Variants in RAB11FIP5 observed in about 807,000 individuals in gnomAD.
RAB11FIP5 encodes the protein RAB11 family interacting protein 5.
In RAB11FIP5, 48 loss-of-function variants were observed where a neutral mutation model predicts 85.1. The ratio of observed to expected loss-of-function variants is 0.56; its 90% CI spans 0.45 to 0.72. The LOEUF is 0.72. RAB11FIP5 is among the 30% of genes least tolerant of loss of function. The pLI is 0.00. For synonymous variants in RAB11FIP5, 729 were observed against 727.3 expected (o/e 1.00, Z -0.04); for missense variants, 1,491 against 1,687.0 (o/e 0.88, Z 2.04).
Position 73,088,453 on chromosome 2 carries a change from T to C in RAB11FIP5, c.1165A>G (p.Arg389Gly). ...GPRSTDDTWP[R>G]GSRSNSSSEA... The stretch of plus-strand genomic sequence containing the variant: ...GAGCTGCTGTTGCTACGACTGCCTC[T>C]GGGCCAGGTGTCATCTGTGGAACGA... Residue 389 changes from arginine to glycine, a missense_variant, in exon 3 of 6, where the codon AGA becomes GGA. By Grantham distance (125) the Arg-to-Gly change is moderately radical. Coordinates refer to ENST00000486777, the MANE Select transcript of RAB11FIP5 (RefSeq NM_001371272.1). 1 of 1,613,970 alleles carries C rather than the reference T, an allele frequency of 6.2e-7. No individual in the cohort carries two copies. Among genetic ancestry groups the C allele is most frequent in the Non-Finnish European group, 8.5e-7 (1 of 1,180,046 alleles).
chr2:73,079,522 G>A (rs1683925775), intron 4 of RAB11FIP5, 129 bp downstream of exon 4: 1 of 1,132,926 alleles, frequency 8.8e-7, no homozygotes, highest in African/African-American at 1.6e-5. Flanking sequence ...TCTTGCCTCT[G>A]GGGTAAAAGA....
intron 1 of RAB11FIP5, among the ~76,000 whole-genome samples, chr2:73,095,641 G>C (rs1289060936): frequency 6.6e-6 from 1 of 152,236 alleles, no homozygotes; most frequent in Non-Finnish European, 1.5e-5. Context: ...CTAAGTTGTG[G>C]AGATGGTTTG....
chr2:73,095,180 A>C (rs75707677), intron 1 of RAB11FIP5, among the ~76,000 whole-genome samples: 123 of 152,316 alleles, frequency 8.1e-4, no homozygotes, highest in Non-Finnish European at 1.4e-3. Flanking sequence ...CAGCCAGCAC[A>C]TGCTCAGGAC....
Position 73,075,919 on chromosome 2 carries a change from C to T in RAB11FIP5, c.3771+74G>A. ...GGGACCTGGCCTGCTCCCTGCCCCA[C>T]CCTCACCAGGACCAAGCCCTGAGAC... On this transcript the variant is annotated intron_variant, in intron 5 of 5. Coordinates refer to ENST00000486777, the MANE Select transcript of RAB11FIP5 (RefSeq NM_001371272.1). This position sits in a 1 kb window ranked among gnomAD's most constrained non-coding sequence, Gnocchi z 4.6. The T allele has an allele frequency of 6.5e-7, 1 of 1,539,444 alleles. No homozygotes were observed. Among genetic ancestry groups the T allele is most frequent in the Non-Finnish European group, 8.8e-7 (1 of 1,132,614 alleles).
chr2:73,107,935 C>A (rs1684562823), intron 1 of RAB11FIP5, among the ~76,000 whole-genome samples: 2 of 152,226 alleles, frequency 1.3e-5, no homozygotes, highest in Non-Finnish European at 2.9e-5. Context: ...TGCCCACCAA[C>A]TGTCTGCCCA....
chr2:73,081,667 T>C lies in RAB11FIP5; in HGVS notation c.1569-4A>G. 1 of 1,231,922 alleles carries C rather than the reference T, an allele frequency of 8.1e-7. No individual in the cohort carries two copies. The highest frequency in any genetic ancestry group is 1.0e-6 in the Non-Finnish European group (1 of 987,828). The allele number at this position is 1,231,922 out of a possible 1,614,324, so 76.3% of individuals were successfully genotyped here. ...TACCTGAGGAGACACGTCCAGGCTGTGGAGGGAGACAAAACCGTGAGCCTC... is the reference window on the plus strand; with the variant it reads ...TACCTGAGGAGACACGTCCAGGCTGCGGAGGGAGACAAAACCGTGAGCCTC... On this transcript the variant is annotated splice_region_variant and splice_polypyrimidine_tract_variant and intron_variant, in intron 3 of 5. Transcript: ENST00000486777. This position sits in a 1 kb window ranked among gnomAD's most constrained non-coding sequence, Gnocchi z 4.2.
rs1175939775 is a variant in RAB11FIP5, at chr2:73,112,849, G to C, written c.-72C>G. The C allele has an allele frequency of 3.1e-6, 4 of 1,305,718 alleles. No homozygotes were observed. The highest frequency in any genetic ancestry group is 3.9e-6 in the Non-Finnish European group (4 of 1,023,794). The allele number at this position is 1,305,718 out of a possible 1,614,324, so 80.9% of individuals were successfully genotyped here. A position where few individuals can be genotyped will look rare whatever the true frequency, so the allele number is the denominator to read the frequency against. On this transcript the variant is annotated 5_prime_UTR_variant, in exon 1 of 6. Coordinates refer to ENST00000486777, the MANE Select transcript of RAB11FIP5 (RefSeq NM_001371272.1). ...AGGACCTGGTGACAAACCCGGCCGC[G>C]GCAGAAGGCGGTCAGGAACCAACTC...
rs1683953375 is a variant in RAB11FIP5 at position 73,080,470 on chromosome 2, G to A, written c.2762C>T (p.Ala921Val). 8.1e-7 allele frequency: 1 copy of A among 1,233,756 alleles called. No individual in the cohort carries two copies. The highest frequency in any genetic ancestry group is 1.5e-5 in the African/African-American group (1 of 64,554). The allele number at this position is 1,233,756 out of a possible 1,614,324, so 76.4% of individuals were successfully genotyped here. ...CCCCCTGTTACTCAGCCCCACTGCG[G>A]CCTTCTCCTCCTCCTCCTCCTGGGA... ...SRSQEEEEEK[A>V]AVGLSNRGPE... The change falls in exon 4 of 6, where the codon GCC becomes GTC. Residue 921 changes from alanine (A) to valine (V), a missense_variant. Physicochemically the swap from Ala to Val is moderately conservative, Grantham distance 64 (BLOSUM62 0). Transcript: ENST00000486777.
intron 4 of RAB11FIP5, among the ~76,000 whole-genome samples, chr2:73,077,718 C>T (rs1683890877): frequency 6.6e-6 from 1 of 152,214 alleles, no homozygotes; most frequent in Non-Finnish European, 1.5e-5. Context: ...CCACCTTCTC[C>T]AGGAAGCCTT....
At chr2:73,096,802 G>A (rs982134332) in intron 1 of RAB11FIP5, among the ~76,000 whole-genome samples, 3 of 152,140 alleles carry the variant, frequency 2.0e-5, no homozygotes, top group Non-Finnish European at 4.4e-5. Context: ...ACCTTTTGGG[G>A]CTTGGCTCCT....
At chr2:73,097,739 T>G (rs2106118101) in intron 1 of RAB11FIP5, among the ~76,000 whole-genome samples, 1 of 151,946 alleles carries the variant, frequency 6.6e-6, no homozygotes, top group African/African-American at 2.4e-5. Flanking sequence ...TAAAGGGAGG[T>G]TTCCAGAATG....
At chr2:73,092,468 T>A (rs1684236528) in intron 1 of RAB11FIP5, among the ~76,000 whole-genome samples, 1 of 152,202 alleles carries the variant, frequency 6.6e-6, no homozygotes, top group African/African-American at 2.4e-5. Flanking sequence ...ATTACTGTGG[T>A]AATAGGAAAA....
In RAB11FIP5 at chr2:73,104,076, G is replaced by A. The variant is rs560701347; in HGVS notation, c.431+8271C>T. ...AAGTACAGAACTGTGTGGTGAGAAC[G>A]TTGCATTTGGGAACAAGGAGGGAGG... On this transcript the variant is annotated intron_variant, in intron 1 of 5. Transcript: ENST00000486777. Among the ~76,000 whole-genome samples the A allele has an allele frequency of 2.4e-4, 37 of 152,294 alleles. No individual in the cohort carries two copies. In the South Asian group the frequency reaches 5.2e-3, roughly 21 times the overall value.
chr2:73,108,741 G>A (rs1385752039), intron 1 of RAB11FIP5, among the ~76,000 whole-genome samples: 2 of 152,186 alleles, frequency 1.3e-5, no homozygotes, highest in East Asian at 3.9e-4. Context: ...CACCCACTGG[G>A]GAGTGCTAAG....
rs1022044406 is a variant in RAB11FIP5 at position 73,079,935 on chromosome 2, A to T, written c.3297T>A (p.Thr1099=). Residue 1099 remains threonine, a synonymous_variant, in exon 4 of 6, where the codon ACT becomes ACA. Coordinates refer to ENST00000486777, the MANE Select transcript of RAB11FIP5 (RefSeq NM_001371272.1). Reference sequence around the variant, plus strand: ...GCGGTGGAAAGTCAGGCTCTGGGGGAGTGGGCAGCTCTTCTGGACCAGAAT... The same window carrying T: ...GCGGTGGAAAGTCAGGCTCTGGGGGTGTGGGCAGCTCTTCTGGACCAGAAT... ...SIHSGPEELP[T]PPEPDFPPPP... The T allele has an allele frequency of 8.9e-6, 11 of 1,231,972 alleles. No homozygotes were observed. The highest frequency in any genetic ancestry group is 1.6e-5 in the African/African-American group (1 of 64,304). 76.3% of individuals were successfully genotyped at this position (1,231,972 alleles called of 1,614,324 possible). A position where few individuals can be genotyped will look rare whatever the true frequency, so the allele number is the denominator to read the frequency against.
chr2:73,090,847 T>C (rs1467603763), intron 1 of RAB11FIP5, among the ~76,000 whole-genome samples: 1 of 152,202 alleles, frequency 6.6e-6, no homozygotes, highest in Non-Finnish European at 1.5e-5. Flanking sequence ...ACCCACAGAA[T>C]GCACAAAACA....
chr2:73,085,249 G>A (rs956112215), intron 3 of RAB11FIP5, among the ~76,000 whole-genome samples: 12 of 152,134 alleles, frequency 7.9e-5, no homozygotes, highest in African/African-American at 2.7e-4. Context: ...CTGGTGCAGG[G>A]AGGCACTGCA....
chr2:73,076,060 G>C lies in RAB11FIP5; in HGVS notation c.3704C>G (p.Ser1235Cys). The C allele has an allele frequency of 5.0e-6, 8 of 1,614,160 alleles. No homozygotes were observed. Among genetic ancestry groups the C allele is most frequent in the Non-Finnish European group, 5.9e-6 (7 of 1,179,992 alleles). The change falls in exon 5 of 6, where the codon TCT (serine) becomes TGT (cysteine). Residue 1235 changes from serine (S) to cysteine (C), a missense_variant. Physicochemically the swap from Ser to Cys is moderately radical, Grantham distance 112. Around this residue, in one of 3 missense-constraint regions of RAB11FIP5, gnomAD observed 232 missense variants for 259.1 expected, o/e 0.90. Transcript: ENST00000486777. ...CTGGGTCACAGGCTGAATGCTCCCAGATGTGACTGTTTTGAGCTTCTCCAG... is the reference window on the plus strand; with the variant it reads ...CTGGGTCACAGGCTGAATGCTCCCACATGTGACTGTTTTGAGCTTCTCCAG... ...SGLEKLKTVT[S>C]GSIQPVTQAP...
intron 3 of RAB11FIP5, among the ~76,000 whole-genome samples, chr2:73,087,656 C>A (rs1684115291): frequency 6.6e-6 from 1 of 152,180 alleles, no homozygotes. Flanking sequence ...AGTGCGGTCT[C>A]CAGTCCTCAT....
Sources: gnomAD v4.1 joint callset for allele counts (sites outside exome capture counted in the v4.1 genomes callset) on GRCh38, gnomAD v4.1.1 for gene constraint, gnomAD v4.1.1 regional missense constraint, Gnocchi (gnomAD v3.1) non-coding constraint, MANE v1.5 for transcripts, NCBI Gene and HGNC (gene_info 2026-07-23, HGNC 2026-07-21) for gene names.